VTI1A: variants seen among roughly 807,000 people sequenced by gnomAD.
The protein encoded by VTI1A is vesicle transport through interaction with t-SNAREs homolog 1A.
VTI1A carries 22 observed loss-of-function variants against 34.9 expected under a neutral mutation model. The ratio of observed to expected loss-of-function variants is 0.63; its 90% CI spans 0.45 to 0.90. The LOEUF is 0.90. Ranked by LOEUF, VTI1A falls within the 40% of genes least tolerant of loss-of-function variation. The pLI is 0.00. For synonymous variants in VTI1A, 87 were observed against 97.3 expected (o/e 0.89, Z 0.62); for missense variants, 268 against 275.6 (o/e 0.97, Z 0.20).
intron 3 of VTI1A, among the ~76,000 whole-genome samples, chr10:112,526,206 A>G (rs933631036): frequency 5.9e-5 from 9 of 152,214 alleles, no homozygotes. Flanking sequence ...GGCTTTTCCA[A>G]ATGTGTATAC....
intron 7 of VTI1A, among the ~76,000 whole-genome samples, chr10:112,751,553 G>A (rs1851108168): frequency 1.3e-5 from 2 of 150,896 alleles, no homozygotes. Flanking sequence ...CACATCTCAT[G>A]GGGATGCAGT....
chr10:112,722,922 A>G (rs1849864553), intron 7 of VTI1A, among the ~76,000 whole-genome samples: 1 of 152,152 alleles, frequency 6.6e-6, no homozygotes, highest in Non-Finnish European at 1.5e-5. Context: ...TTCTATTATC[A>G]ATTCAAAGCC....
chr10:112,757,582 T>C (rs1354290531), intron 7 of VTI1A, among the ~76,000 whole-genome samples: 3 of 151,972 alleles, frequency 2.0e-5, no homozygotes, highest in Non-Finnish European at 4.4e-5. Context: ...GACGGGGTTT[T>C]GCCATGTTGG....
intron 5 of VTI1A, among the ~76,000 whole-genome samples, chr10:112,623,107 A>T (rs1224504367): frequency 1.3e-5 from 2 of 152,110 alleles, no homozygotes; most frequent in Non-Finnish European, 2.9e-5. Context: ...TATGTTCAGG[A>T]TTATGTTTGA....
intron 5 of VTI1A, among the ~76,000 whole-genome samples, chr10:112,558,534 A>G (rs1430381476): frequency 6.6e-6 from 1 of 152,224 alleles, no homozygotes; most frequent in East Asian, 1.9e-4. Context: ...TGAAGACTAT[A>G]GAGGTTTATC....
At chr10:112,519,426 T>A (rs937646013) in intron 3 of VTI1A, among the ~76,000 whole-genome samples, 12 of 152,184 alleles carry the variant, frequency 7.9e-5, no homozygotes, top group African/African-American at 2.7e-4. Flanking sequence ...ACAGTTTACC[T>A]TAAGCATTTA....
In VTI1A at chr10:112,482,797, A is replaced by G. The variant is rs140682984; in HGVS notation, c.264+18140A>G. 3.3e-5 allele frequency among the ~76,000 whole-genome samples: 5 copies of G among 152,304 alleles called. No individual in the cohort carries two copies. The East Asian group carries it at 9.6e-4, about 29-fold the overall frequency. On this transcript the variant is annotated intron_variant, in intron 3 of 7. Transcript: ENST00000393077. ...GTCTCTTTTAATACTATTTCTACAA[A>G]ATCTTTTTACATAGGGATGACACAT... is the stretch of plus-strand genomic sequence containing the variant.
At chr10:112,784,969 A>G (rs563668188) in intron 7 of VTI1A, among the ~76,000 whole-genome samples, 100 of 152,194 alleles carry the variant, frequency 6.6e-4, no homozygotes, top group Non-Finnish European at 1.1e-3. Flanking sequence ...TTCATGTTAC[A>G]CTCTGAAGCC....
chr10:112,549,524 T>C (rs2134290889), intron 5 of VTI1A, among the ~76,000 whole-genome samples: 1 of 152,338 alleles, frequency 6.6e-6, no homozygotes, highest in East Asian at 1.9e-4. Flanking sequence ...TATTCTCCCA[T>C]ATAGGGACAG....
intron 5 of VTI1A, among the ~76,000 whole-genome samples, chr10:112,659,648 C>T (rs772382279): frequency 1.3e-5 from 2 of 152,236 alleles, no homozygotes; most frequent in Middle Eastern, 3.4e-3. Context: ...AGAATACATA[C>T]TCAGCTACTG....
chr10:112,670,747 G>C (rs1194287212), intron 7 of VTI1A, among the ~76,000 whole-genome samples: 1 of 152,120 alleles, frequency 6.6e-6, no homozygotes, highest in Admixed American at 6.6e-5. Context: ...AATCTACATG[G>C]GGTTCTCTTT....
At position 112,575,836 on chromosome 10, in the gene VTI1A, A is replaced by G. The variant is rs1466666518; in HGVS notation, c.427+37506A>G. ...GATAGACTTCATATTTTTAGCATTC[A>G]AATTGTTCTGTTAAATTAATACTAT... is the stretch of plus-strand genomic sequence containing the variant. On this transcript the variant is annotated intron_variant, in intron 5 of 7. Coordinates refer to ENST00000393077, the MANE Select transcript of VTI1A (RefSeq NM_145206.4). Among the ~76,000 whole-genome samples the G allele has an allele frequency of 3.3e-5, 5 of 150,612 alleles. No individual in the cohort carries two copies. The East Asian group carries it at 9.7e-4, about 29-fold the overall frequency.
intron 5 of VTI1A, among the ~76,000 whole-genome samples, chr10:112,663,840 T>C (rs1847550265): frequency 6.6e-6 from 1 of 152,322 alleles, no homozygotes; most frequent in Non-Finnish European, 1.5e-5. Context: ...CAAAATTCAG[T>C]GCTCCAAATT....
intron 7 of VTI1A, among the ~76,000 whole-genome samples, chr10:112,792,200 G>A (rs375639759): frequency 9.2e-5 from 14 of 152,272 alleles, no homozygotes; most frequent in East Asian, 3.9e-4. Flanking sequence ...ATGTGAACCC[G>A]GGAGGCAGAG....
At chr10:112,609,480 A>C (rs1589969514) in intron 5 of VTI1A, among the ~76,000 whole-genome samples, 1 of 152,330 alleles carries the variant, frequency 6.6e-6, no homozygotes, top group East Asian at 1.9e-4. Flanking sequence ...AGATCTTGTT[A>C]ATTTTCAAAG....
At chr10:112,687,281 C>T (rs1270495867) in intron 7 of VTI1A, among the ~76,000 whole-genome samples, 2 of 134,678 alleles carry the variant, frequency 1.5e-5, no homozygotes, top group African/African-American at 6.1e-5. Flanking sequence ...TCTCCCAGGC[C>T]GGAGTGCAGT....
Position 112,639,969 on chromosome 10 carries a change from C to A in VTI1A, c.428-28249C>A, listed in dbSNP as rs1400435782. ...AAAGTAATTTAACTCCTTTGTGCAG[C>A]TTTTCTTCACCAGTAAATTAGGAAT... On this transcript the variant is annotated intron_variant, in intron 5 of 7. Transcript: ENST00000393077. Among the ~76,000 whole-genome samples, 5 of 152,156 alleles carry A rather than the reference C, an allele frequency of 3.3e-5. No homozygotes were observed. The East Asian group carries it at 9.6e-4, about 29-fold the overall frequency.
chr10:112,476,837 T>G (rs992777844), intron 3 of VTI1A, among the ~76,000 whole-genome samples: 4 of 152,214 alleles, frequency 2.6e-5, no homozygotes, highest in African/African-American at 9.6e-5. Flanking sequence ...ATACCATTCT[T>G]ATTGGCTTTA....
chr10:112,662,249 GT>G (rs1195319603), intron 5 of VTI1A, among the ~76,000 whole-genome samples: 1 of 151,996 alleles, frequency 6.6e-6, no homozygotes, highest in African/African-American at 2.4e-5. Context: ...TATTCATACC[GT>G]TTTTTTGTCT....
Sources: allele counts gnomAD v4.1 joint callset (sites outside exome capture counted in the v4.1 genomes callset), GRCh38; gene constraint gnomAD v4.1.1; transcripts MANE v1.5; gene names NCBI Gene and HGNC (gene_info 2026-07-23, HGNC 2026-07-21).